The following ERCC6 variants were observed in gnomAD, a reference collection of about 807,000 sequenced individuals.
The protein encoded by ERCC6 is DNA excision repair protein ERCC-6.
In ERCC6, 116 loss-of-function variants were observed where a neutral mutation model predicts 158.7. The ratio of observed to expected loss-of-function variants is 0.73; its 90% CI spans 0.63 to 0.85. ERCC6 has a LOEUF of 0.85. Among genes scored for constraint, ERCC6 ranks in the 40% least tolerant of loss-of-function variants. The pLI is 0.00. For synonymous variants in ERCC6, 678 were observed against 659.3 expected, an observed-to-expected ratio of 1.03 and a Z score of -0.43; for missense variants, 1,698 against 1,799.4, an observed-to-expected ratio of 0.94 and a Z score of 1.02.
downstream of ERCC6, among the ~76,000 whole-genome samples, chr10:49,452,926 C>T (rs1850436522): frequency 6.6e-6 from 1 of 152,046 alleles, no homozygotes; most frequent in Non-Finnish European, 1.5e-5. Context: ...CTTTTTGTAT[C>T]CTTTTAATCT....
the ERCC6 span, among the ~76,000 whole-genome samples, chr10:49,445,885 C>T: frequency 1.3e-5 from 2 of 152,278 alleles, no homozygotes; most frequent in African/African-American, 4.8e-5. Flanking sequence ...GAGACCCCCT[C>T]ATACAGGTAT....
At chr10:49,533,636 T>A (rs182071616) in intron 1 of ERCC6, among the ~76,000 whole-genome samples, 1 of 152,134 alleles carries the variant, frequency 6.6e-6, no homozygotes, top group African/African-American at 2.4e-5. Flanking sequence ...ACCTTGTCTC[T>A]ACTAAAAATT....
chr10:49,479,656 G>A (rs1279818962), intron 10 of ERCC6, among the ~76,000 whole-genome samples: 6 of 152,188 alleles, frequency 3.9e-5, no homozygotes, highest in Non-Finnish European at 8.8e-5. Context: ...CGAATGTACA[G>A]TCTATAAAGA....
chr10:49,524,032 C>A lies in ERCC6; in HGVS notation c.1397+1G>T. On this transcript the variant is annotated splice_donor_variant, in intron 5 of 20. Coordinates refer to ENST00000355832, the MANE Select transcript of ERCC6 (RefSeq NM_000124.4). LOFTEE classifies it high-confidence loss of function. ...TGTATTTATAATCCCCACAGACCGA[C>A]CTTAACCGCTGCTTATAATAATCTT... is the stretch of plus-strand genomic sequence containing the variant. The A allele has an allele frequency of 6.2e-7, 1 of 1,613,180 alleles. No homozygotes were observed. Among genetic ancestry groups the A allele is most frequent in the Non-Finnish European group, 8.5e-7 (1 of 1,179,978 alleles).
chr10:49,467,489 A>G (rs949000491), intron 18 of ERCC6, among the ~76,000 whole-genome samples: 1 of 152,074 alleles, frequency 6.6e-6, no homozygotes, highest in Non-Finnish European at 1.5e-5. Context: ...AACAAGTTTC[A>G]TATATTTATT....
chr10:49,452,314 G>T (rs1251964682), downstream of ERCC6, among the ~76,000 whole-genome samples: 1 of 151,972 alleles, frequency 6.6e-6, no homozygotes, highest in Admixed American at 6.6e-5. Flanking sequence ...GCCTCAAAGT[G>T]CTGATTACCT....
In ERCC6 at chr10:49,478,340, C is replaced by T. The variant is rs1850914477; in HGVS notation, c.2286+14G>A. The T allele has an allele frequency of 2.0e-6, 3 of 1,531,266 alleles. No individual in the cohort carries two copies. The African/African-American group carries it at 4.1e-5, about 21-fold the overall frequency. The allele number at this position is 1,531,266 out of a possible 1,614,324, so 94.9% of individuals were successfully genotyped here. On this transcript the variant is annotated intron_variant, in intron 11 of 20. Transcript: ENST00000355832. ...TGCTTTAGGAATGCTTCGTTAACTC[C>T]TGGATTTACAGACCTGTTCATTTTT...
chr10:49,532,055 A>T (rs1837481021), intron 2 of ERCC6, among the ~76,000 whole-genome samples: 1 of 152,226 alleles, frequency 6.6e-6, no homozygotes. Flanking sequence ...AGTCAGAACA[A>T]GGATGGAAGA....
chr10:49,472,682 T>C, intron 15 of ERCC6: 1 of 738,520 alleles, frequency 1.4e-6, no homozygotes, highest in South Asian at 1.8e-5. Context: ...TTTGCCTATG[T>C]TCTTTTTACC....
intron 2 of ERCC6, 44 bp from the exon 3 acceptor site, chr10:49,530,884 T>C (rs763008525): frequency 1.2e-6 from 2 of 1,605,988 alleles, no homozygotes; most frequent in African/African-American, 2.7e-5. Flanking sequence ...CTGATAACAT[T>C]TTTATAGCAT....
chr10:49,470,883 C>T lies in ERCC6; in HGVS notation c.3077G>A (p.Gly1026Glu), dbSNP rs373893264. Residue 1026 changes from glycine (G) to glutamate (E), a missense_variant, in exon 18 of 21, where the codon GGA (glycine) becomes GAA (glutamate). Coordinates refer to ENST00000355832, the MANE Select transcript of ERCC6 (RefSeq NM_000124.4). ...GCATTTGGGTGTCTGAACATCTGAT[C>T]CAGTTCCTGTAAAGAGGAAAAACAC... ...TETSAIFAGTGSDVQTPKCHL... is the reference protein window; with the variant it reads ...TETSAIFAGTESDVQTPKCHL... The T allele has an allele frequency of 1.9e-6, 3 of 1,613,634 alleles. No homozygotes were observed. The highest frequency in any genetic ancestry group is 1.3e-5 in the African/African-American group (1 of 74,890).
At chr10:49,446,710 C>T in the ERCC6 span, among the ~76,000 whole-genome samples, 16 of 152,224 alleles carry the variant, frequency 1.1e-4, no homozygotes, top group African/African-American at 2.2e-4. Context: ...CCCAAGAGTT[C>T]GAGGTTGCAG....
At chr10:49,519,407 A>AT (rs1159649243) in intron 5 of ERCC6, among the ~76,000 whole-genome samples, 5 of 152,214 alleles carry the variant, frequency 3.3e-5, no homozygotes, top group African/African-American at 1.2e-4. Context: ...AAAAGAGGTC[A>AT]TTTTTTCATC....
At position 49,471,091 on chromosome 10, in the gene ERCC6, CTA is replaced by C. The variant is rs1590406503; in HGVS notation, c.2952_2953del (p.Asn984LysfsTer16). 6.2e-7 allele frequency: 1 copy of C among 1,613,896 alleles called. No homozygotes were observed. The highest frequency in any genetic ancestry group is 8.5e-7 in the Non-Finnish European group (1 of 1,179,980). On this transcript the variant is annotated frameshift_variant, in exon 17 of 21. Transcript: ENST00000355832. LOFTEE classifies it high-confidence loss of function. ...CCTTTGTTTTGGGTCTTTTAGCACTCTATTTGTCAAAAACTGCTTGAAGATTT... is the reference window on the plus strand; with the variant it reads ...CCTTTGTTTTGGGTCTTTTAGCACTCTTTGTCAAAAACTGCTTGAAGATTT...
the ERCC6 span, among the ~76,000 whole-genome samples, chr10:49,437,813 A>C: frequency 6.6e-6 from 1 of 152,228 alleles, no homozygotes; most frequent in African/African-American, 2.4e-5. Context: ...CAAGGTGAAT[A>C]AAGGGAAGAA....
chr10:49,465,149 C>T (rs897671799), intron 18 of ERCC6, among the ~76,000 whole-genome samples: 4 of 152,224 alleles, frequency 2.6e-5, no homozygotes, highest in Non-Finnish European at 4.4e-5. Flanking sequence ...TGCCCAAGAC[C>T]ATAGGAACCC....
At chr10:49,499,114 G>T (rs1312222383) in intron 7 of ERCC6, among the ~76,000 whole-genome samples, 1 of 152,144 alleles carries the variant, frequency 6.6e-6, no homozygotes, top group Non-Finnish European at 1.5e-5. Context: ...TTTTCCTTTG[G>T]TCTGGAATGT....
At chr10:49,538,512 G>A (rs1032980192) in intron 1 of ERCC6, among the ~76,000 whole-genome samples, 7 of 152,178 alleles carry the variant, frequency 4.6e-5, no homozygotes, top group East Asian at 1.9e-4. Flanking sequence ...AAGACGCTGC[G>A]TGGAAGTCAC....
rs1767863539 is a variant in ERCC6, at chr10:49,456,509, TCATGTGATTCTCTAAATG to T, written c.*2288_*2305del. On this transcript the variant is annotated 3_prime_UTR_variant, in exon 21 of 21. Transcript: ENST00000355832. ...AATGACATTATAGCAGCAGTCTGTG[TCATGTGATTCTCTAAATG>T]CATGGAGAATACACACCAAACCTAG... 1 of 152,248 alleles carries T rather than the reference TCATGTGATTCTCTAAATG, an allele frequency of 6.6e-6. No homozygotes were observed. The highest frequency in any genetic ancestry group is 2.4e-5 in the African/African-American group (1 of 41,472). 9.4% of individuals were successfully genotyped at this position (152,248 alleles called of 1,614,324 possible). A position where few individuals can be genotyped will look rare whatever the true frequency, so the allele number is the denominator to read the frequency against.
Sources: gnomAD v4.1 joint callset for allele counts (sites outside exome capture counted in the v4.1 genomes callset) on GRCh38, gnomAD v4.1.1 for gene constraint, MANE v1.5 for transcripts, NCBI Gene and HGNC (gene_info 2026-07-23, HGNC 2026-07-21) for gene names.